ANO9: variants seen among roughly 807,000 people sequenced by gnomAD.
ANO9 encodes the protein anoctamin 9, also known as anoctamin-9.
A neutral mutation model predicts 100.5 loss-of-function variants in ANO9; 80 were observed. That is an observed-to-expected ratio of 0.80 (90% CI 0.66 to 0.96). The LOEUF is 0.96. Ranked by LOEUF, ANO9 falls within the 40% of genes least tolerant of loss-of-function variation. The pLI is 0.00. For missense variants in ANO9, 1,064 were observed against 1,072.7 expected (o/e 0.99, Z 0.11); for synonymous variants, 473 against 435.6 (o/e 1.09, Z -1.07).
intron 1 of ANO9, among the ~76,000 whole-genome samples, chr11:438,749 C>T (rs1213895100): frequency 6.6e-6 from 1 of 152,122 alleles, no homozygotes; most frequent in Admixed American, 6.5e-5. Context: ...GGGGTCTTCA[C>T]AGGTGAGGGC....
chr11:432,307 C>G lies in ANO9; in HGVS notation c.351-253G>C, dbSNP rs1454895317. 2 of 541,570 alleles carry G rather than the reference C, an allele frequency of 3.7e-6. No homozygotes were observed. The highest frequency in any genetic ancestry group is 6.7e-6 in the Non-Finnish European group (2 of 300,174). 33.5% of individuals were successfully genotyped at this position (541,570 alleles called of 1,614,324 possible). A position where few individuals can be genotyped will look rare whatever the true frequency, so the allele number is the denominator to read the frequency against. The stretch of plus-strand genomic sequence containing the variant: ...GCTGGGCTGGGGGCTCCTTCTCCTC[C>G]CAGCCCGTCCCTCCCAGAAGCCCAG... On this transcript the variant is annotated intron_variant, in intron 4 of 22. Coordinates refer to ENST00000332826, the MANE Select transcript of ANO9 (RefSeq NM_001012302.3). This position sits in a 1 kb window ranked among gnomAD's most constrained non-coding sequence, Gnocchi z 4.8.
At chr11:419,321 T>C (rs143755232) in intron 20 of ANO9, 2 of 1,408,192 alleles carry the variant, frequency 1.4e-6, no homozygotes, top group East Asian at 5.2e-5. Flanking sequence ...GGAGCCGTTC[T>C]GGCAGGGCCT....
chr11:420,660 CG>C (rs764085007), intron 18 of ANO9, 45 bp from the exon 19 acceptor site: 2 of 1,600,384 alleles, frequency 1.2e-6, no homozygotes, highest in Non-Finnish European at 1.7e-6. Flanking sequence ...CACTCATGTC[CG>C]CGGACCCCCG....
intron 15 of ANO9, 63 bp downstream of exon 15, chr11:428,025 C>CTTCA (rs1191722722): frequency 7.5e-7 from 1 of 1,338,906 alleles, no homozygotes. Context: ...GACATTGCCA[C>CTTCA]TTTAAAGGCA....
Position 423,885 on chromosome 11 carries a change from TCACACACACA to T in ANO9, c.1335-2697_1335-2688del, listed in dbSNP as rs57182615. ...TCTAAAGGAAATCACAGTTGAATACTCACACACACACACACACACACACACACACACACAC... is the reference window on the plus strand; with the variant it reads ...TCTAAAGGAAATCACAGTTGAATACTCACACACACACACACACACACACAC... On this transcript the variant is annotated intron_variant, in intron 15 of 22. Coordinates refer to ENST00000332826, the MANE Select transcript of ANO9 (RefSeq NM_001012302.3). Among the ~76,000 whole-genome samples the T allele has an allele frequency of 8.4e-4, 121 of 143,398 alleles. 2 individuals carry two copies. In the East Asian group the frequency reaches 0.015, roughly 18 times the overall value. 94.1% of individuals were successfully genotyped at this position (143,398 alleles called of 152,430 possible).
chr11:438,731 C>T (rs1845590101), intron 1 of ANO9, among the ~76,000 whole-genome samples: 1 of 152,110 alleles, frequency 6.6e-6, no homozygotes, highest in East Asian at 1.9e-4. Context: ...CTTCTCCACA[C>T]CACCCTCGGG....
Position 419,819 on chromosome 11 carries a change from C to G in ANO9, c.1787-90G>C, listed in dbSNP as rs368488629. ...CACCCCCGGCCAACACGGGGCCTGC[C>G]GTGTCTCTGTGCGTGGTGTCCCCTT... is the stretch of plus-strand genomic sequence containing the variant. On this transcript the variant is annotated intron_variant, in intron 19 of 22. Transcript: ENST00000332826. 7 of 1,554,986 alleles carry G rather than the reference C, an allele frequency of 4.5e-6. No individual in the cohort carries two copies. The African/African-American group carries it at 6.8e-5, about 15-fold the overall frequency.
At chr11:419,125 G>A (rs1018575232) in intron 20 of ANO9, 136 bp from the exon 21 acceptor site, 14 of 1,485,680 alleles carry the variant, frequency 9.4e-6, no homozygotes, top group Middle Eastern at 2.5e-4. Context: ...CCAGTGGGAC[G>A]GGGCTCCCGG....
At position 431,702 on chromosome 11, in the gene ANO9, A is replaced by G. The variant is rs781713423; in HGVS notation, c.531T>C (p.Asp177=). 31 of 1,612,304 alleles carry G rather than the reference A, an allele frequency of 1.9e-5. 1 individual carries two copies. The South Asian group carries it at 3.0e-4, about 15-fold the overall frequency. Residue 177 remains aspartate (D), a synonymous_variant, in exon 7 of 23, where the codon GAT becomes GAC. Transcript: ENST00000332826. ...TCTTTGGGCAGCGTTACCTGATTTC[A>G]TCAACTGGCTGCTCCCGGAACATGT... ...WRHMFREQPV[D]EIRNYFGEKV...
chr11:433,591 G>A (rs1296529776), intron 3 of ANO9, 132 bp from the exon 4 acceptor site: 13 of 1,429,448 alleles, frequency 9.1e-6, no homozygotes, highest in Non-Finnish European at 1.2e-5. Context: ...CCCTTCATCT[G>A]CCGCTGTGGC....
In ANO9 at chr11:433,136, G is replaced by A. The variant is rs530767889; in HGVS notation, c.350+178C>T. On this transcript the variant is annotated intron_variant, in intron 4 of 22. Coordinates refer to ENST00000332826, the MANE Select transcript of ANO9 (RefSeq NM_001012302.3). ...AACCACCGTGATCCTTTAATGGGATGGGGAAGCTGAGGCTCACACAGCCAG... is the reference window on the plus strand; with the variant it reads ...AACCACCGTGATCCTTTAATGGGATAGGGAAGCTGAGGCTCACACAGCCAG... 5.1e-5 allele frequency: 40 copies of A among 779,754 alleles called. No individual in the cohort carries two copies. In the East Asian group the frequency reaches 5.6e-4, roughly 11 times the overall value. 48.3% of individuals were successfully genotyped at this position (779,754 alleles called of 1,614,324 possible).
At chr11:433,971 G>A in intron 2 of ANO9, 34 bp from the exon 3 acceptor site, 1 of 1,552,868 alleles carries the variant, frequency 6.4e-7, no homozygotes, top group East Asian at 2.4e-5. Context: ...AGGCGCAGGT[G>A]AAGGGGCAGA....
chr11:419,643 G>T lies in ANO9; in HGVS notation c.1873C>A (p.Pro625Thr). 6.2e-7 allele frequency: 1 copy of T among 1,613,560 alleles called. No homozygotes were observed. Among genetic ancestry groups the T allele is most frequent in the Non-Finnish European group, 8.5e-7 (1 of 1,179,906 alleles). The part of the protein sequence containing the change: ...MVIAFTSEFI[P>T]RVVYKYRYSP... ...TAGCGGTACTTGTAGACCACTCGGGGGATGAACTCAGATGTGAAGGCAATG... is the reference window on the plus strand; with the variant it reads ...TAGCGGTACTTGTAGACCACTCGGGTGATGAACTCAGATGTGAAGGCAATG... Residue 625 changes from proline (P) to threonine (T), a missense_variant, in exon 20 of 23, where the codon CCC (proline) becomes ACC (threonine). Transcript: ENST00000332826.
chr11:420,813 T>C lies in ANO9; in HGVS notation c.1538A>G (p.His513Arg). The C allele has an allele frequency of 1.3e-6, 2 of 1,593,746 alleles. No individual in the cohort carries two copies. The highest frequency in any genetic ancestry group is 1.7e-5 in the Admixed American group (1 of 58,498). Residue 513 changes from histidine to arginine, a missense_variant, in exon 18 of 23, where the codon CAC (histidine) becomes CGC (arginine). Physicochemically the swap from His to Arg is conservative, Grantham distance 29. Transcript: ENST00000332826. ...CRSLRASESG[H>R]LPRDPELRDW... ...CCTGAGCTCGGGGTCCCGGGGCAGG[T>C]GCCCGGACTCGGAGGCCCGCAGAGA...
chr11:419,089 G>C, intron 20 of ANO9, 100 bp from the exon 21 acceptor site: 1 of 1,571,770 alleles, frequency 6.4e-7, no homozygotes, highest in Non-Finnish European at 8.6e-7. Flanking sequence ...CAAACAGTGA[G>C]GTGGGGGCCA....
intron 1 of ANO9, among the ~76,000 whole-genome samples, chr11:438,008 G>A (rs1845499529): frequency 6.6e-6 from 1 of 152,162 alleles, no homozygotes; most frequent in Non-Finnish European, 1.5e-5. Flanking sequence ...AAGCCTGGGA[G>A]AGGGGACTGT....
intron 1 of ANO9, among the ~76,000 whole-genome samples, chr11:437,030 G>A (rs1156913564): frequency 7.5e-6 from 1 of 132,776 alleles, no homozygotes; most frequent in African/African-American, 2.8e-5. Context: ...ATGAGCGGGG[G>A]GTGAGCGGGG....
rs1849077289 is a variant in ANO9, at chr11:432,300, TCTC to T, written c.351-249_351-247del. On this transcript the variant is annotated intron_variant, in intron 4 of 22. Coordinates refer to ENST00000332826, the MANE Select transcript of ANO9 (RefSeq NM_001012302.3). This position sits in a 1 kb window ranked among gnomAD's most constrained non-coding sequence, Gnocchi z 4.8. ...GGATGAGGCTGGGCTGGGGGCTCCTTCTCCTCCCAGCCCGTCCCTCCCAGAAGC... is the reference window on the plus strand; with the variant it reads ...GGATGAGGCTGGGCTGGGGGCTCCTTCTCCCAGCCCGTCCCTCCCAGAAGC... 7.5e-6 allele frequency: 4 copies of T among 535,554 alleles called. No homozygotes were observed. The highest frequency in any genetic ancestry group is 1.3e-5 in the Non-Finnish European group (4 of 298,334). 33.2% of individuals were successfully genotyped at this position (535,554 alleles called of 1,614,324 possible). A position where few individuals can be genotyped will look rare whatever the true frequency, so the allele number is the denominator to read the frequency against.
Position 441,914 on chromosome 11 carries a change from G to T in ANO9, c.6+7C>A. The T allele has an allele frequency of 1.2e-6, 2 of 1,607,902 alleles. No individual in the cohort carries two copies. Among genetic ancestry groups the T allele is most frequent in the Non-Finnish European group, 1.7e-6 (2 of 1,179,292 alleles). The stretch of plus-strand genomic sequence containing the variant: ...AAGGTGTGGACCCTTTTGAGCGCAG[G>T]ACTCACCTGCATGCTGGCTGTGGCC... On this transcript the variant is annotated splice_region_variant and intron_variant, in intron 1 of 22. Coordinates refer to ENST00000332826, the MANE Select transcript of ANO9 (RefSeq NM_001012302.3).
Sources: allele counts gnomAD v4.1 joint callset (sites outside exome capture counted in the v4.1 genomes callset), GRCh38; gene constraint gnomAD v4.1.1; non-coding constraint Gnocchi (gnomAD v3.1); transcripts MANE v1.5; gene names NCBI Gene and HGNC (gene_info 2026-07-23, HGNC 2026-07-21).